NUP210L: variants seen among roughly 807,000 people sequenced by gnomAD.
NUP210L encodes nucleoporin 210 like, also known as nuclear pore membrane glycoprotein 210-like.
In NUP210L, 74 loss-of-function variants were observed where a neutral mutation model predicts 208.5. The ratio of observed to expected loss-of-function variants is 0.35; its 90% CI spans 0.29 to 0.43. The LOEUF is 0.43. Among genes scored for constraint, NUP210L ranks in the 20% least tolerant of loss-of-function variants. NUP210L has a pLI of 1.00. For synonymous variants in NUP210L, 780 were observed against 816.9 expected (o/e 0.95, Z 0.77); for missense variants, 1,843 against 2,289.4 (o/e 0.81, Z 3.98).
chr1:154,070,242 A>G (rs781412756), intron 17 of NUP210L, 31 bp downstream of exon 17: 3 of 1,492,796 alleles, frequency 2.0e-6, no homozygotes, highest in South Asian at 1.3e-5. Flanking sequence ...ACACTCAGGT[A>G]TATGAAAAGA....
Position 153,993,906 on chromosome 1 carries a change from T to C in NUP210L, c.5492-817A>G, listed in dbSNP as rs975586339. Among the ~76,000 whole-genome samples the C allele has an allele frequency of 2.0e-5, 3 of 152,100 alleles. No homozygotes were observed. In the East Asian group the frequency reaches 5.8e-4, roughly 29 times the overall value. On this transcript the variant is annotated intron_variant, in intron 38 of 39. Transcript: ENST00000368559. ...ATGGGACTCCATCTCAAAAAAATTT[T>C]TTTTTAGACACACAGTATCACTGGA... is the stretch of plus-strand genomic sequence containing the variant.
chr1:154,091,632 C>G (rs1483551473), intron 15 of NUP210L, among the ~76,000 whole-genome samples: 1 of 151,122 alleles, frequency 6.6e-6, no homozygotes. Flanking sequence ...TCCCAAGTAG[C>G]TGAGATTACA....
At chr1:154,128,007 G>T (rs1471868409) in intron 8 of NUP210L, among the ~76,000 whole-genome samples, 1 of 152,032 alleles carries the variant, frequency 6.6e-6, no homozygotes, top group African/African-American at 2.4e-5. Context: ...GGGACTACAG[G>T]CTTAGAACAC....
At position 154,071,627 on chromosome 1, in the gene NUP210L, CTTTTTTTT is replaced by C. The variant is rs893742878; in HGVS notation, c.2362-1170_2362-1163del. Among the ~76,000 whole-genome samples the C allele has an allele frequency of 1.2e-4, 12 of 99,796 alleles. 1 individual carries two copies. Among genetic ancestry groups the C allele is most frequent in the Admixed American group, 8.0e-4 (7 of 8,756 alleles). 65.5% of individuals were successfully genotyped at this position (99,796 alleles called of 152,430 possible). A position where few individuals can be genotyped will look rare whatever the true frequency, so the allele number is the denominator to read the frequency against. ...TGCTGCAAATACCATCAATTCATTC[CTTTTTTTT>C]TTTTTTTTTTTTTTTTTTGAGATAG... is the stretch of plus-strand genomic sequence containing the variant. On this transcript the variant is annotated intron_variant, in intron 16 of 39. Transcript: ENST00000368559.
chr1:154,017,719 G>A (rs1245027646), intron 33 of NUP210L, among the ~76,000 whole-genome samples: 1 of 151,856 alleles, frequency 6.6e-6, no homozygotes, highest in Non-Finnish European at 1.5e-5. Context: ...GTTTCACCAT[G>A]TTGGTCAGGC....
chr1:154,062,807 C>T (rs763194912), intron 17 of NUP210L, among the ~76,000 whole-genome samples: 8 of 151,862 alleles, frequency 5.3e-5, no homozygotes, highest in African/African-American at 1.7e-4. Flanking sequence ...CTTGAACTCC[C>T]GAGCTCAAGT....
chr1:154,064,431 T>C (rs935077218), intron 17 of NUP210L, among the ~76,000 whole-genome samples: 7 of 152,162 alleles, frequency 4.6e-5, no homozygotes, highest in Non-Finnish European at 4.4e-5. Context: ...TCTGACTTAG[T>C]CTCACTCGCC....
chr1:154,092,342 G>A (rs1210018308), intron 15 of NUP210L, among the ~76,000 whole-genome samples: 1 of 150,096 alleles, frequency 6.7e-6, no homozygotes, highest in Non-Finnish European at 1.5e-5. Flanking sequence ...TCCTCCCAAA[G>A]AGCTAGGATT....
chr1:154,004,643 G>A (rs1197254351), intron 35 of NUP210L, among the ~76,000 whole-genome samples: 2 of 150,908 alleles, frequency 1.3e-5, no homozygotes, highest in East Asian at 2.0e-4. Context: ...ATGCCCTGCC[G>A]TTATTCCTCT....
chr1:154,112,246 A>T (rs982648555), intron 12 of NUP210L, among the ~76,000 whole-genome samples: 3 of 151,908 alleles, frequency 2.0e-5, no homozygotes, highest in Non-Finnish European at 4.4e-5. Context: ...CATTTTTTTT[A>T]AAAATCATTA....
Position 154,121,600 on chromosome 1 carries a change from CTCACGCCTG to C in NUP210L, c.1327-2801_1327-2793del, listed in dbSNP as rs1200992670. ...AAACTTTAAAGGCTGAAAGCGGTGG[CTCACGCCTG>C]TAATCCTAGCACTTTGGGAGGCCAA... is the stretch of plus-strand genomic sequence containing the variant. On this transcript the variant is annotated intron_variant, in intron 10 of 39. Coordinates refer to ENST00000368559, the Ensembl canonical transcript of NUP210L. Among the ~76,000 whole-genome samples, 4 of 152,308 alleles carry C rather than the reference CTCACGCCTG, an allele frequency of 2.6e-5. No homozygotes were observed. The South Asian group carries it at 8.3e-4, about 32-fold the overall frequency.
In NUP210L at chr1:153,993,013, A is replaced by T. The variant is rs557231322; in HGVS notation, c.5566+2T>A. The T allele has an allele frequency of 1.2e-6, 2 of 1,613,298 alleles. No homozygotes were observed. The highest frequency in any genetic ancestry group is 4.5e-5 in the East Asian group (2 of 44,856). ...CAAAGATGAGGACAGAGGCTTTTTT[A>T]CCTGGCTGTGGTGTTCCTAGAGTTG... is the stretch of plus-strand genomic sequence containing the variant. On this transcript the variant is annotated splice_donor_variant, in intron 39 of 39. Transcript: ENST00000368559. LOFTEE classifies it high-confidence loss of function.
chr1:154,076,286 T>A (rs1655035848), intron 16 of NUP210L, among the ~76,000 whole-genome samples: 1 of 151,404 alleles, frequency 6.6e-6, no homozygotes, highest in Non-Finnish European at 1.5e-5. Flanking sequence ...GTATTTTTAG[T>A]AGAGACAGGG....
chr1:154,154,753 T>C, intron 1 of NUP210L, 89 bp downstream of exon 1: 1 of 1,060,580 alleles, frequency 9.4e-7, no homozygotes. Context: ...CCCCACACGG[T>C]ATTCCTGTGG....
chr1:154,077,544 C>G (rs949723609), intron 16 of NUP210L, among the ~76,000 whole-genome samples: 1 of 151,978 alleles, frequency 6.6e-6, no homozygotes, highest in Non-Finnish European at 1.5e-5. Flanking sequence ...TAAAGGGAGT[C>G]CTTCAGGATG....
chr1:154,055,590 C>T (rs2147988924), intron 23 of NUP210L, among the ~76,000 whole-genome samples: 1 of 152,140 alleles, frequency 6.6e-6, no homozygotes, highest in African/African-American at 2.4e-5. Flanking sequence ...GAGATGGGGT[C>T]TCCCTATGTT....
At chr1:154,018,331 A>G (rs1227190534) in intron 33 of NUP210L, among the ~76,000 whole-genome samples, 7 of 152,020 alleles carry the variant, frequency 4.6e-5, no homozygotes, top group African/African-American at 7.2e-5. Flanking sequence ...CTCTATTCCA[A>G]TGACTCCCAG....
intron 16 of NUP210L, among the ~76,000 whole-genome samples, chr1:154,076,589 G>A (rs1228965261): frequency 6.6e-6 from 1 of 152,122 alleles, no homozygotes; most frequent in Non-Finnish European, 1.5e-5. Flanking sequence ...AAATTAACTA[G>A]AGGAATTCAA....
intron 10 of NUP210L, among the ~76,000 whole-genome samples, chr1:154,120,479 G>A (rs1393667997): frequency 6.6e-6 from 1 of 152,012 alleles, no homozygotes; most frequent in Non-Finnish European, 1.5e-5. Context: ...GCCTGTCATG[G>A]GGTTGGGGGA....
Sources: allele counts gnomAD v4.1 joint callset (sites outside exome capture counted in the v4.1 genomes callset), GRCh38; gene constraint gnomAD v4.1.1; transcripts MANE v1.5; gene names NCBI Gene and HGNC (gene_info 2026-07-23, HGNC 2026-07-21).